The following COX10 variants were observed in gnomAD, a reference collection of about 807,000 sequenced individuals.
COX10 encodes cytochrome c oxidase assembly factor heme A:farnesyltransferase COX10, also known as protoheme IX farnesyltransferase, mitochondrial.
Under a neutral mutation model 37.3 loss-of-function variants are expected in COX10, and 27 were observed. The ratio of observed to expected loss-of-function variants is 0.72; its 90% CI spans 0.53 to 1.00. The LOEUF (loss-of-function observed/expected upper bound fraction) is 1.00, where lower values mean the gene tolerates loss of function less well. Ranked by LOEUF, COX10 falls within the 50% of genes least tolerant of loss-of-function variation. COX10 has a pLI of 0.00. For missense variants in COX10, 475 were observed against 563.2 expected (o/e 0.84, Z 1.59); for synonymous variants, 222 against 229.1 (o/e 0.97, Z 0.28).
At chr17:14,126,322 T>G (rs1281053294) in intron 4 of COX10, among the ~76,000 whole-genome samples, 1 of 152,188 alleles carries the variant, frequency 6.6e-6, no homozygotes, top group Non-Finnish European at 1.5e-5. Flanking sequence ...AAAGGTTCCG[T>G]ATAAACTCTT....
chr17:14,111,590 A>G (rs1916007117), intron 4 of COX10, among the ~76,000 whole-genome samples: 2 of 152,138 alleles, frequency 1.3e-5, no homozygotes, highest in Admixed American at 1.3e-4. Context: ...CAAGAAAGAA[A>G]ACTACCACTT....
At chr17:14,155,860 G>A (rs1371445072) in intron 4 of COX10, among the ~76,000 whole-genome samples, 2 of 152,096 alleles carry the variant, frequency 1.3e-5, no homozygotes. Context: ...CCCTTGTTCA[G>A]GCCCTCATCA....
In COX10 at chr17:14,192,214, C is replaced by T. The variant is rs760998079; in HGVS notation, c.921C>T (p.Leu307=). The T allele has an allele frequency of 3.0e-5, 48 of 1,614,108 alleles. No individual in the cohort carries two copies. The African/African-American group carries it at 4.5e-4, about 15-fold the overall frequency. ...GCTGGACAGCGGCCACGGGCAGCCT[C>T]GATGCTGGTAAGTGTCCCGCGATGT... ...VMGWTAATGS[L]DAGAFLLGGI... The change falls in exon 6 of 7, where the codon CTC becomes CTT. Residue 307 remains leucine (L), a synonymous_variant. Coordinates refer to ENST00000261643, the MANE Select transcript of COX10 (RefSeq NM_001303.4).
chr17:14,142,611 C>T (rs1478174757), intron 4 of COX10, among the ~76,000 whole-genome samples: 2 of 152,068 alleles, frequency 1.3e-5, no homozygotes, highest in Non-Finnish European at 2.9e-5. Flanking sequence ...TTGAAAGACT[C>T]AAAATGAACC....
At chr17:14,111,336 C>T (rs1597505054) in intron 4 of COX10, among the ~76,000 whole-genome samples, 1 of 152,044 alleles carries the variant, frequency 6.6e-6, no homozygotes, top group East Asian at 1.9e-4. Flanking sequence ...AGATTTCTTC[C>T]GGAAACAACG....
At chr17:14,120,320 G>C (rs1916202734) in intron 4 of COX10, among the ~76,000 whole-genome samples, 1 of 152,174 alleles carries the variant, frequency 6.6e-6, no homozygotes, top group Non-Finnish European at 1.5e-5. Context: ...AGAATCATCT[G>C]CATAGAGATG....
At chr17:14,095,724 G>A (rs1050955469) in intron 3 of COX10, among the ~76,000 whole-genome samples, 7 of 152,102 alleles carry the variant, frequency 4.6e-5, no homozygotes, top group Admixed American at 6.5e-5. Context: ...GTCTTCTTCC[G>A]GGCTCACTGG....
At chr17:14,136,678 G>A (rs947478246) in intron 4 of COX10, among the ~76,000 whole-genome samples, 1 of 151,786 alleles carries the variant, frequency 6.6e-6, no homozygotes, top group African/African-American at 2.4e-5. Context: ...TTATTTATAA[G>A]GTTAGCAGAA....
intron 6 of COX10, among the ~76,000 whole-genome samples, chr17:14,198,599 T>C (rs907765683): frequency 6.6e-6 from 1 of 152,192 alleles, no homozygotes; most frequent in Non-Finnish European, 1.5e-5. Context: ...AATGGGATCT[T>C]ATCAGGAAGT....
chr17:14,172,821 G>T (rs1282782040), intron 5 of COX10, among the ~76,000 whole-genome samples: 1 of 151,850 alleles, frequency 6.6e-6, no homozygotes, highest in African/African-American at 2.4e-5. Context: ...CTAAAGTGCT[G>T]GGATTACAAG....
intron 4 of COX10, among the ~76,000 whole-genome samples, chr17:14,141,529 C>CAAAAAAAA (rs71147842): frequency 1.5e-5 from 1 of 67,506 alleles, no homozygotes; most frequent in African/African-American, 6.4e-5. Context: ...GTCCCTGTCT[C>CAAAAAAAA]AAAAAAAAAA....
At chr17:14,180,271 T>C (rs1444509393) in intron 5 of COX10, among the ~76,000 whole-genome samples, 1 of 152,152 alleles carries the variant, frequency 6.6e-6, no homozygotes, top group East Asian at 1.9e-4. Context: ...ATTTTATAAG[T>C]ATAGAAATTT....
chr17:14,083,307 A>G (rs1435768304), intron 3 of COX10, among the ~76,000 whole-genome samples: 1 of 152,118 alleles, frequency 6.6e-6, no homozygotes, highest in Non-Finnish European at 1.5e-5. Flanking sequence ...TTACCTCTCT[A>G]TTTAGTTTAT....
intron 3 of COX10, among the ~76,000 whole-genome samples, chr17:14,093,339 G>A (rs896816162): frequency 3.9e-5 from 6 of 152,084 alleles, no homozygotes; most frequent in East Asian, 1.9e-4. Context: ...ATTTTTTAAC[G>A]TAATCTTTAC....
chr17:14,126,635 T>A (rs1417874475), intron 4 of COX10, among the ~76,000 whole-genome samples: 2 of 152,280 alleles, frequency 1.3e-5, no homozygotes, highest in Admixed American at 6.5e-5. Flanking sequence ...GTTCCTCTTA[T>A]TATTTTGATA....
chr17:14,077,381 G>T, intron 3 of COX10: 1 of 305,492 alleles, frequency 3.3e-6, no homozygotes. Flanking sequence ...AATAGGTTTT[G>T]TCAACTTGAG....
chr17:14,206,425 G>A (rs767618551), intron 6 of COX10, among the ~76,000 whole-genome samples: 6 of 152,152 alleles, frequency 3.9e-5, no homozygotes, highest in Non-Finnish European at 8.8e-5. Context: ...GTGTTTGCCC[G>A]TGTGTAGGGG....
intron 6 of COX10, among the ~76,000 whole-genome samples, chr17:14,201,439 T>C (rs1264829152): frequency 6.6e-6 from 1 of 152,220 alleles, no homozygotes; most frequent in Non-Finnish European, 1.5e-5. Flanking sequence ...CCACACCCAA[T>C]TTCCTCTTAC....
At chr17:14,200,212 CTCCAT>C (rs1182794153) in intron 6 of COX10, among the ~76,000 whole-genome samples, 2 of 152,134 alleles carry the variant, frequency 1.3e-5, no homozygotes, top group Non-Finnish European at 2.9e-5. Flanking sequence ...GGATTTTTGT[CTCCAT>C]TCCATTCAGA....
Sources: gnomAD v4.1 joint callset for allele counts (sites outside exome capture counted in the v4.1 genomes callset) on GRCh38, gnomAD v4.1.1 for gene constraint, MANE v1.5 for transcripts, NCBI Gene and HGNC (gene_info 2026-07-23, HGNC 2026-07-21) for gene names.